The following DRC4 variants were observed in gnomAD, a reference collection of about 807,000 sequenced individuals.
The protein encoded by DRC4 is dynein regulatory complex subunit 4.
the DRC4 span, among the ~76,000 whole-genome samples, chr16:90,041,379 C>T: frequency 6.6e-6 from 1 of 152,196 alleles, no homozygotes; most frequent in African/African-American, 2.4e-5. Context: ...GCAGGGACGG[C>T]TCTAAAGCCA....
At chr16:90,040,132 C>A in the DRC4 span, 1 of 665,478 alleles carries the variant, frequency 1.5e-6, no homozygotes, top group South Asian at 1.7e-5. Context: ...CTACAAAGGG[C>A]CAGGGCGCAG....
chr16:90,028,798 T>C, the DRC4 span: 2 of 634,552 alleles, frequency 3.2e-6, no homozygotes, highest in South Asian at 1.8e-5. Flanking sequence ...CTCTGTGTTA[T>C]TGTTAATAAA....
the DRC4 span, among the ~76,000 whole-genome samples, chr16:90,027,452 A>G: frequency 6.6e-6 from 1 of 152,126 alleles, no homozygotes; most frequent in African/African-American, 2.4e-5. Context: ...TGCTTCTCCA[A>G]ATGCAACAAC....
chr16:90,031,525 C>A, the DRC4 span: 1 of 1,538,288 alleles, frequency 6.5e-7, no homozygotes, highest in Non-Finnish European at 8.8e-7. Context: ...CACGTGCTAA[C>A]CTGGTCACCA....
At chr16:90,025,649 CAAAAA>C in the DRC4 span, among the ~76,000 whole-genome samples, 6 of 45,926 alleles carry the variant, frequency 1.3e-4, no homozygotes, top group Non-Finnish European at 1.9e-4. Flanking sequence ...GACTCTGTCT[CAAAAA>C]AAAAAAAAAA....
the DRC4 span, among the ~76,000 whole-genome samples, chr16:90,032,189 G>C: frequency 2.6e-5 from 4 of 151,142 alleles, no homozygotes; most frequent in East Asian, 7.8e-4. Context: ...GTATGTACAG[G>C]TGAGGTGTGT....
the DRC4 span, chr16:90,036,825 A>T: frequency 1.4e-3 from 934 of 651,262 alleles, 5 homozygotes; most frequent in African/African-American, 0.015. Flanking sequence ...AGGGGGAAGT[A>T]ATGAAGTGTG....
the DRC4 span, chr16:90,020,305 C>T: frequency 3.2e-6 from 1 of 315,908 alleles, no homozygotes; most frequent in Admixed American, 5.3e-5. Flanking sequence ...TTGTATGTCT[C>T]AAAAAAAAAA....
chr16:90,022,522 C>T, the DRC4 span: 1 of 500,642 alleles, frequency 2.0e-6, no homozygotes, highest in Non-Finnish European at 3.4e-6. Flanking sequence ...GACATTTTCC[C>T]AACGTTCACA....
chr16:90,019,701 G>C, the DRC4 span: 1 of 570,786 alleles, frequency 1.8e-6, no homozygotes, highest in South Asian at 2.0e-5. This position sits in a 1 kb window ranked among gnomAD's most constrained non-coding sequence, Gnocchi z 6.1. Context: ...GACCCCGGCC[G>C]GGCGTCCGGG....
chr16:90,037,274 A>G, the DRC4 span: 2 of 1,613,526 alleles, frequency 1.2e-6, no homozygotes, highest in South Asian at 1.1e-5. Context: ...CCACCTGGAG[A>G]GGGAGATGGC....
chr16:90,043,347 T>TA, the DRC4 span: 1 of 1,579,174 alleles, frequency 6.3e-7, no homozygotes, highest in Non-Finnish European at 8.5e-7. Flanking sequence ...CCGACGTAGC[T>TA]GCCCCCCTGG....
At chr16:90,040,189 G>C in the DRC4 span, 4 of 1,055,862 alleles carry the variant, frequency 3.8e-6, no homozygotes, top group South Asian at 2.8e-5. Context: ...AGTGGGCACT[G>C]TTGGGAGGCA....
At chr16:90,036,346 C>CCT in the DRC4 span, 1 of 1,558,930 alleles carries the variant, frequency 6.4e-7, no homozygotes, top group Non-Finnish European at 8.7e-7. Flanking sequence ...ACCACGTCTT[C>CCT]CTCTGCTAAG....
At chr16:90,043,354 C>G in the DRC4 span, 1 of 1,603,478 alleles carries the variant, frequency 6.2e-7, no homozygotes, top group Non-Finnish European at 8.5e-7. Flanking sequence ...AGCTGCCCCC[C>G]TGGGGGGCCA....
At chr16:90,020,035 A>G in the DRC4 span, 3 of 692,614 alleles carry the variant, frequency 4.3e-6, no homozygotes, top group Admixed American at 2.0e-5. Flanking sequence ...CCATGTCCCT[A>G]TCGCCCAGAT....
the DRC4 span, chr16:90,044,382 C>A: frequency 2.4e-6 from 1 of 416,986 alleles, no homozygotes; most frequent in Non-Finnish European, 4.9e-6. Context: ...AGCTCACCTA[C>A]CTGCCACCGC....
At chr16:90,028,270 C>T in the DRC4 span, among the ~76,000 whole-genome samples, 1 of 144,860 alleles carries the variant, frequency 6.9e-6, no homozygotes, top group Non-Finnish European at 1.5e-5. Flanking sequence ...CTGTGAGCTC[C>T]ACCTCCCGGG....
chr16:90,036,462 T>C, the DRC4 span: 47 of 1,613,948 alleles, frequency 2.9e-5, no homozygotes, highest in Middle Eastern at 1.6e-4. Flanking sequence ...CTCCACGAAG[T>C]GGAGGAGAGG....
Sources: allele counts gnomAD v4.1 joint callset (sites outside exome capture counted in the v4.1 genomes callset), GRCh38; gene constraint gnomAD v4.1.1; non-coding constraint Gnocchi (gnomAD v3.1); transcripts MANE v1.5; gene names NCBI Gene and HGNC (gene_info 2026-07-23, HGNC 2026-07-21).